The following MARVELD2 variants were observed in gnomAD, a reference collection of about 807,000 sequenced individuals.
MARVELD2 encodes the protein MARVEL domain-containing protein 2.
Under a neutral mutation model 57.6 loss-of-function variants are expected in MARVELD2, and 49 were observed. The ratio of observed to expected loss-of-function variants is 0.85; its 90% CI spans 0.68 to 1.08. The LOEUF is 1.08. Among genes scored for constraint, MARVELD2 ranks in the 50% least tolerant of loss-of-function variants. The pLI is 0.00. For missense variants in MARVELD2, 606 were observed against 701.1 expected (o/e 0.86, Z 1.53); for synonymous variants, 238 against 258.8 (o/e 0.92, Z 0.77).
rs1767405537 is a variant in MARVELD2 at position 69,444,185 on chromosome 5, T to C, written c.*2531T>C. 6.6e-6 allele frequency: 1 copy of C among 152,112 alleles called. No homozygotes were observed. 9.4% of individuals were successfully genotyped at this position (152,112 alleles called of 1,614,324 possible). ...ATTTGTAAATGTTGTGGTCAATCCCTAGGTGCATTAAAGTTTCAGTCACCT... is the reference window on the plus strand; with the variant it reads ...ATTTGTAAATGTTGTGGTCAATCCCCAGGTGCATTAAAGTTTCAGTCACCT... On this transcript the variant is annotated 3_prime_UTR_variant, in exon 7 of 7. Transcript: ENST00000325631.
rs1435118549 is a variant in MARVELD2, at chr5:69,420,342, C to T, written c.957C>T (p.Gly319=). ...ATGTGAATGATACCAACCGAGGTGGCCTCTGCTACTATCCGTTATTTAATA... is the reference window on the plus strand; with the variant it reads ...ATGTGAATGATACCAACCGAGGTGGTCTCTGCTACTATCCGTTATTTAATA... ...IVYVNDTNRG[G]LCYYPLFNTP... is the part of the protein sequence containing the mutation. Residue 319 remains glycine, a synonymous_variant, in exon 2 of 7, where the codon GGC becomes GGT. Coordinates refer to ENST00000325631, the MANE Select transcript of MARVELD2 (RefSeq NM_001038603.3). 1.9e-6 allele frequency: 3 copies of T among 1,614,058 alleles called. No individual in the cohort carries two copies. Among genetic ancestry groups the T allele is most frequent in the African/African-American group, 1.3e-5 (1 of 74,906 alleles).
In MARVELD2 at chr5:69,419,414, G is replaced by C; in HGVS notation, c.29G>C (p.Arg10Pro). ...TCAAATGATGGAAGATCCAGGAATCGGGACAGGCGCTACGATGAGGTCCCA... is the reference window on the plus strand; with the variant it reads ...TCAAATGATGGAAGATCCAGGAATCCGGACAGGCGCTACGATGAGGTCCCA... MSNDGRSRN[R>P]DRRYDEVPSD... The change falls in exon 2 of 7, where the codon CGG becomes CCG. Residue 10 changes from arginine (R) to proline (P), a missense_variant. Arg to Pro is a moderately radical substitution (Grantham distance 103). Coordinates refer to ENST00000325631, the MANE Select transcript of MARVELD2 (RefSeq NM_001038603.3). The C allele has an allele frequency of 6.2e-7, 1 of 1,614,110 alleles. No individual in the cohort carries two copies. Among genetic ancestry groups the C allele is most frequent in the Non-Finnish European group, 8.5e-7 (1 of 1,180,030 alleles).
At chr5:69,420,553 C>T (rs747752386) in intron 2 of MARVELD2, 22 bp downstream of exon 2, 4 of 1,600,394 alleles carry the variant, frequency 2.5e-6, no homozygotes, top group Non-Finnish European at 3.4e-6. Context: ...CATAATCCCT[C>T]ATTTGTGTGT....
chr5:69,439,062 C>CAAAA (rs11315832), intron 5 of MARVELD2, among the ~76,000 whole-genome samples: 3 of 89,254 alleles, frequency 3.4e-5, no homozygotes, highest in Non-Finnish European at 2.2e-5. Context: ...GACCCTGTCT[C>CAAAA]AAAAAAAAAA....
rs1037410791 is a variant in MARVELD2 at position 69,419,031 on chromosome 5, G to T, written c.-15-340G>T. 8.4e-5 allele frequency: 23 copies of T among 274,930 alleles called. 1 individual carries two copies. The highest frequency in any genetic ancestry group is 2.1e-5 in the Non-Finnish European group (3 of 145,498). 17.0% of individuals were successfully genotyped at this position (274,930 alleles called of 1,614,324 possible). A position where few individuals can be genotyped will look rare whatever the true frequency, so the allele number is the denominator to read the frequency against. ...CAACCTCTGCCTCCCGGGTTCAAGC[G>T]GTCTATACCTCAGCCACCTGAGTAG... On this transcript the variant is annotated intron_variant, in intron 1 of 6. Transcript: ENST00000325631.
intron 3 of MARVELD2, among the ~76,000 whole-genome samples, chr5:69,426,956 C>T (rs933926680): frequency 6.6e-6 from 1 of 151,992 alleles, no homozygotes; most frequent in South Asian, 2.1e-4. Context: ...CCTCACCCAG[C>T]CAGCAAGTGA....
intron 3 of MARVELD2, among the ~76,000 whole-genome samples, chr5:69,428,221 G>GACCTT (rs763187785): frequency 8.6e-6 from 1 of 115,636 alleles, no homozygotes. Context: ...AAAAATTTAG[G>GACCTT]CCGGGCATGG....
At chr5:69,432,029 T>A (rs1417378448) in intron 3 of MARVELD2, among the ~76,000 whole-genome samples, 3 of 151,068 alleles carry the variant, frequency 2.0e-5, no homozygotes, top group Admixed American at 6.6e-5. Context: ...TTTTTTTTTT[T>A]AAACAGAGTC....
chr5:69,430,101 C>G (rs762032525), intron 3 of MARVELD2, among the ~76,000 whole-genome samples: 3 of 152,072 alleles, frequency 2.0e-5, no homozygotes, highest in Non-Finnish European at 4.4e-5. Flanking sequence ...GGCACTGTGG[C>G]TCATGCCTGT....
chr5:69,433,923 T>C (rs1382282212), intron 5 of MARVELD2, among the ~76,000 whole-genome samples: 2 of 152,190 alleles, frequency 1.3e-5, no homozygotes, highest in Non-Finnish European at 2.9e-5. Context: ...TTTTTTTTTT[T>C]TCACTCTGTG....
At chr5:69,436,432 CACACACACACACACACACACATATAT>C (rs1327090542) in intron 5 of MARVELD2, among the ~76,000 whole-genome samples, 4 of 143,222 alleles carry the variant, frequency 2.8e-5, no homozygotes, top group African/African-American at 1.0e-4. Context: ...CACACACACA[CACACACACACACACACACACATATAT>C]ATAAATTTTT....
At chr5:69,428,993 A>C (rs939129359) in intron 3 of MARVELD2, among the ~76,000 whole-genome samples, 1 of 152,246 alleles carries the variant, frequency 6.6e-6, no homozygotes, top group Non-Finnish European at 1.5e-5. Context: ...ATGGCATCCT[A>C]ATCAGCAAGA....
chr5:69,440,083 A>G (rs1767282928), intron 5 of MARVELD2, among the ~76,000 whole-genome samples: 1 of 152,232 alleles, frequency 6.6e-6, no homozygotes, highest in African/African-American at 2.4e-5. Flanking sequence ...AGCACTTTAT[A>G]AGGATCATTT....
chr5:69,419,844 G>C lies in MARVELD2; in HGVS notation c.459G>C (p.Val153=). The C allele has an allele frequency of 6.2e-7, 1 of 1,614,198 alleles. No homozygotes were observed. Among genetic ancestry groups the C allele is most frequent in the Non-Finnish European group, 8.5e-7 (1 of 1,180,048 alleles). The change falls in exon 2 of 7, where the codon GTG becomes GTC. Residue 153 remains valine (V), a synonymous_variant. Coordinates refer to ENST00000325631, the MANE Select transcript of MARVELD2 (RefSeq NM_001038603.3). The part of the protein sequence containing the change: ...TFSSRKEADA[V]FPRDPYGSLD... ...GTTCCCGGAAAGAGGCTGACGCAGT[G>C]TTTCCCCGGGATCCCTATGGATCTC...
Position 69,427,094 on chromosome 5 carries a change from G to A in MARVELD2, c.1182+2458G>A, listed in dbSNP as rs1014955869. Among the ~76,000 whole-genome samples the A allele has an allele frequency of 6.6e-5, 10 of 152,240 alleles. 1 individual carries two copies. The highest frequency in any genetic ancestry group is 2.6e-4 in the Admixed American group (4 of 15,266). Reference sequence around the variant, plus strand: ...CTGTTGTTTGGTTTAATACTAGGGGGTGCCTTCTTATTTTGTGTTTTAATT... The same window carrying A: ...CTGTTGTTTGGTTTAATACTAGGGGATGCCTTCTTATTTTGTGTTTTAATT... On this transcript the variant is annotated intron_variant, in intron 3 of 6. Transcript: ENST00000325631.
intron 5 of MARVELD2, chr5:69,433,535 CT>C (rs918489966): frequency 5.4e-6 from 1 of 186,326 alleles, no homozygotes; most frequent in Non-Finnish European, 1.1e-5. Context: ...TCTTGGCTCA[CT>C]GCAAGCTCCA....
chr5:69,419,653 T>G lies in MARVELD2; in HGVS notation c.268T>G (p.Phe90Val). The G allele has an allele frequency of 6.2e-7, 1 of 1,614,172 alleles. No homozygotes were observed. ...RFVPDSWKNFFRGKKKDPEWD... is the reference protein window; with the variant it reads ...RFVPDSWKNFVRGKKKDPEWD... ...TGTCCCTGACTCCTGGAAGAACTTT[T>G]TCAGAGGGAAGAAAAAGGACCCCGA... is the stretch of plus-strand genomic sequence containing the variant. Residue 90 changes from phenylalanine (F) to valine (V), a missense_variant, in exon 2 of 7, where the codon TTC becomes GTC. Coordinates refer to ENST00000325631, the MANE Select transcript of MARVELD2 (RefSeq NM_001038603.3).
intron 1 of MARVELD2, among the ~76,000 whole-genome samples, chr5:69,417,352 C>A (rs990410596): frequency 1.3e-5 from 2 of 152,190 alleles, no homozygotes; most frequent in Non-Finnish European, 2.9e-5. Context: ...GGCACTCCCC[C>A]GGTTAAAGCA....
In MARVELD2 at chr5:69,419,739, A is replaced by G; in HGVS notation, c.354A>G (p.Pro118=). 1 of 1,614,124 alleles carries G rather than the reference A, an allele frequency of 6.2e-7. No individual in the cohort carries two copies. The highest frequency in any genetic ancestry group is 8.5e-7 in the Non-Finnish European group (1 of 1,180,026). The change falls in exon 2 of 7, where the codon CCA becomes CCG. Residue 118 remains proline, a synonymous_variant. Transcript: ENST00000325631. The part of the protein sequence containing the change: ...YISDGVECSP[P]ASPARPNHRS... The stretch of plus-strand genomic sequence containing the variant: ...CCGATGGAGTGGAGTGTTCACCACC[A>G]GCCTCTCCAGCAAGACCAAACCACC...
Sources: allele counts gnomAD v4.1 joint callset (sites outside exome capture counted in the v4.1 genomes callset), GRCh38; gene constraint gnomAD v4.1.1; transcripts MANE v1.5; gene names NCBI Gene and HGNC (gene_info 2026-07-23, HGNC 2026-07-21).